PIK3CD: variants seen among roughly 807,000 people sequenced by gnomAD.
PIK3CD encodes the protein phosphatidylinositol-4,5-bisphosphate 3-kinase catalytic subunit delta.
Under a neutral mutation model 122.9 loss-of-function variants are expected in PIK3CD, and 20 were observed. That is an observed-to-expected ratio of 0.16 (90% CI 0.11 to 0.24). The LOEUF (loss-of-function observed/expected upper bound fraction) is 0.24, where lower values mean the gene tolerates loss of function less well. PIK3CD is among the 10% of genes least tolerant of loss of function. The pLI is 1.00. For missense variants in PIK3CD, 787 were observed against 1,406.3 expected, an observed-to-expected ratio of 0.56 and a Z score of 7.04; for synonymous variants, 596 against 593.4, an observed-to-expected ratio of 1.00 and a Z score of -0.06.
intron 1 of PIK3CD, among the ~76,000 whole-genome samples, chr1:9,690,986 C>T (rs1309805755): frequency 6.6e-6 from 1 of 152,080 alleles, no homozygotes; most frequent in Non-Finnish European, 1.5e-5. Flanking sequence ...CGGCCCCTCC[C>T]CTCACACTCT....
upstream of PIK3CD, among the ~76,000 whole-genome samples, chr1:9,650,461 A>G (rs1424174247): frequency 6.6e-6 from 1 of 151,812 alleles, no homozygotes; most frequent in Non-Finnish European, 1.5e-5. Context: ...AAAACAAACA[A>G]AAAAACATGA....
At chr1:9,651,830 G>C (rs537646112) in intron 1 of PIK3CD, 28 bp downstream of exon 1, 90 of 152,234 alleles carry the variant, frequency 5.9e-4, no homozygotes, top group African/African-American at 2.1e-3. Context: ...GCTGCGTCAG[G>C]GGAGGTGGGA....
At chr1:9,662,494 T>G (rs1270237614) in intron 1 of PIK3CD, 4 of 153,184 alleles carry the variant, frequency 2.6e-5, no homozygotes, top group Non-Finnish European at 5.8e-5. Context: ...TCACACAACC[T>G]GAACTTAGGC....
chr1:9,716,345 AC>A lies in PIK3CD; in HGVS notation c.601-92del, dbSNP rs1436138644. On this transcript the variant is annotated intron_variant, in intron 5 of 23. Transcript: ENST00000377346. ...CCAGTGTCATTTGTGAACTCCCCAG[AC>A]CCTACCCTTGGGGGCAAATAGGCAA... 2.5e-6 allele frequency: 3 copies of A among 1,209,232 alleles called. No homozygotes were observed. The Admixed American group carries it at 5.1e-5, about 21-fold the overall frequency. 74.9% of individuals were successfully genotyped at this position (1,209,232 alleles called of 1,614,324 possible). A position where few individuals can be genotyped will look rare whatever the true frequency, so the allele number is the denominator to read the frequency against.
intron 1 of PIK3CD, among the ~76,000 whole-genome samples, chr1:9,664,001 T>C (rs1248592273): frequency 6.6e-6 from 1 of 152,014 alleles, no homozygotes. Flanking sequence ...GAGGTCCGAC[T>C]TCAATGCACC....
At position 9,700,297 on chromosome 1, in the gene PIK3CD, G is replaced by A. The variant is rs1487555371; in HGVS notation, c.-33+8726G>A. The stretch of plus-strand genomic sequence containing the variant: ...TCCCTCAGACGTTCACAGCTGGGAC[G>A]CCGTTCTTCCACCTTGGGCTCCAGA... On this transcript the variant is annotated intron_variant, in intron 2 of 23. Transcript: ENST00000377346. This position sits in a 1 kb window ranked among gnomAD's most constrained non-coding sequence, Gnocchi z 5.1. Among the ~76,000 whole-genome samples, 1 of 151,882 alleles carries A rather than the reference G, an allele frequency of 6.6e-6. No individual in the cohort carries two copies. The highest frequency in any genetic ancestry group is 1.5e-5 in the Non-Finnish European group (1 of 68,000).
chr1:9,645,683 T>C, the PIK3CD span, among the ~76,000 whole-genome samples: 2 of 150,886 alleles, frequency 1.3e-5, no homozygotes, highest in Admixed American at 1.3e-4. Flanking sequence ...CTTGGCTCAC[T>C]GCACCTCTAC....
At chr1:9,702,499 C>CTTT (rs1491337578) in intron 2 of PIK3CD, among the ~76,000 whole-genome samples, 3 of 21,710 alleles carry the variant, frequency 1.4e-4, no homozygotes, top group African/African-American at 2.9e-4. Context: ...AAAGAACTTT[C>CTTT]CTTTTTTTTT....
chr1:9,723,415 C>T lies in PIK3CD; in HGVS notation c.2594+123C>T. The T allele has an allele frequency of 1.0e-6, 1 of 985,492 alleles. No individual in the cohort carries two copies. The highest frequency in any genetic ancestry group is 1.3e-5 in the South Asian group (1 of 75,770). The allele number at this position is 985,492 out of a possible 1,614,324, so 61.0% of individuals were successfully genotyped here. A position where few individuals can be genotyped will look rare whatever the true frequency, so the allele number is the denominator to read the frequency against. ...AGACCATCTTTGTGGCTACTTGGCT[C>T]AGTTGAGGACCAGCCTGTGTCTGGG... On this transcript the variant is annotated intron_variant, in intron 20 of 23. Transcript: ENST00000377346. This position sits in a 1 kb window ranked among gnomAD's most constrained non-coding sequence, Gnocchi z 4.9.
chr1:9,635,939 A>T, the PIK3CD span, among the ~76,000 whole-genome samples: 3 of 152,250 alleles, frequency 2.0e-5, no homozygotes, highest in Non-Finnish European at 4.4e-5. Context: ...ACACTTGCCC[A>T]TCCAAGGTCC....
chr1:9,690,621 G>A (rs1646165192), intron 1 of PIK3CD, among the ~76,000 whole-genome samples: 1 of 152,214 alleles, frequency 6.6e-6, no homozygotes, highest in South Asian at 2.1e-4. Context: ...TCCCGCAGCA[G>A]GGTCCCCGGA....
Position 9,721,861 on chromosome 1 carries a change from G to A in PIK3CD, c.2055+1G>A, listed in dbSNP as rs751009074. The A allele has an allele frequency of 6.2e-7, 1 of 1,613,064 alleles. No individual in the cohort carries two copies. The highest frequency in any genetic ancestry group is 8.5e-7 in the Non-Finnish European group (1 of 1,179,934). On this transcript the variant is annotated splice_donor_variant, in intron 16 of 23. Transcript: ENST00000377346. LOFTEE classifies it high-confidence loss of function. Reference sequence around the variant, plus strand: ...CCACATGAAGGTGCTGATGAAGCAGGTGAGGCCCAAGGCCCTGGGGGGCGG... The same window carrying A: ...CCACATGAAGGTGCTGATGAAGCAGATGAGGCCCAAGGCCCTGGGGGGCGG...
chr1:9,632,861 CTTTT>C, the PIK3CD span, among the ~76,000 whole-genome samples: 29 of 128,594 alleles, frequency 2.3e-4, no homozygotes, highest in Admixed American at 3.2e-4. Flanking sequence ...CAACCTGATT[CTTTT>C]TTTTTTTTTT....
At position 9,724,121 on chromosome 1, in the gene PIK3CD, T is replaced by C. The variant is rs1360121154; in HGVS notation, c.2718+29T>C. Reference sequence around the variant, plus strand: ...CAGGGGCTGGTGCTGGCGGCTGCTGTGGGGACTTGGCTTCTGGCCCCAGCC... The same window carrying C: ...CAGGGGCTGGTGCTGGCGGCTGCTGCGGGGACTTGGCTTCTGGCCCCAGCC... On this transcript the variant is annotated intron_variant, in intron 21 of 23. Coordinates refer to ENST00000377346, the MANE Select transcript of PIK3CD (RefSeq NM_005026.5). The surrounding 1 kb of genome is among the most constrained non-coding windows in gnomAD (Gnocchi z 7.3). 4 of 1,614,020 alleles carry C rather than the reference T, an allele frequency of 2.5e-6. No homozygotes were observed. The African/African-American group carries it at 4.0e-5, about 16-fold the overall frequency.
At chr1:9,659,574 GTC>G (rs1644954446) in intron 1 of PIK3CD, among the ~76,000 whole-genome samples, 1 of 152,052 alleles carries the variant, frequency 6.6e-6, no homozygotes, top group African/African-American at 2.4e-5. Context: ...CCATTCTGCT[GTC>G]TCTGTGCTTT....
rs2100933627 is a variant in PIK3CD at position 9,719,912 on chromosome 1, C to T, written c.1243-9C>T. 1.2e-6 allele frequency: 2 copies of T among 1,612,444 alleles called. No homozygotes were observed. The highest frequency in any genetic ancestry group is 1.3e-5 in the African/African-American group (1 of 75,012). On this transcript the variant is annotated splice_polypyrimidine_tract_variant and intron_variant, in intron 9 of 23. Coordinates refer to ENST00000377346, the MANE Select transcript of PIK3CD (RefSeq NM_005026.5). This position sits in a 1 kb window ranked among gnomAD's most constrained non-coding sequence, Gnocchi z 5.5. ...AGTGGCTGTCCTCACCTGCCCTGTC[C>T]TTCTGCAGGACTGCCCCATTGCCTG...
rs867642595 is a variant in PIK3CD, at chr1:9,670,010, C to A, written c.-138+18208C>A. Among the ~76,000 whole-genome samples, 25 of 152,090 alleles carry A rather than the reference C, an allele frequency of 1.6e-4. No individual in the cohort carries two copies. The South Asian group carries it at 2.9e-3, about 18-fold the overall frequency. On this transcript the variant is annotated intron_variant, in intron 1 of 23. Transcript: ENST00000377346. Reference sequence around the variant, plus strand: ...CCAACATGGTGAAACCCTGTCTCTACTAAAAATACAAAAATTAGCTGGGCG... The same window carrying A: ...CCAACATGGTGAAACCCTGTCTCTAATAAAAATACAAAAATTAGCTGGGCG...
In PIK3CD at chr1:9,721,571, C is replaced by G. The variant is rs767226031; in HGVS notation, c.1939C>G (p.Leu647Val). 6.2e-6 allele frequency: 10 copies of G among 1,613,488 alleles called. No individual in the cohort carries two copies. Among genetic ancestry groups the G allele is most frequent in the Non-Finnish European group, 5.1e-6 (6 of 1,180,024 alleles). The change falls in exon 15 of 24, where the codon CTT becomes GTT. Residue 647 changes from leucine (L) to valine (V), a missense_variant. By Grantham distance (32) the Leu-to-Val change is conservative (BLOSUM62 1). Coordinates refer to ENST00000377346, the MANE Select transcript of PIK3CD (RefSeq NM_005026.5). The stretch of plus-strand genomic sequence containing the variant: ...GGCCAACCGCAAGATCGGCCACTTC[C>G]TTTTCTGGCACCTCCGGTAGCGGGA... ...ALANRKIGHF[L>V]FWHLRSEMHV...
rs1648376658 is a variant in PIK3CD at position 9,720,525 on chromosome 1, T to C, written c.1471-86T>C. ...GCAGAGGACAGCGCCCCCTCAAGGA[T>C]GATTGGGGTGGCAATGCCCGGCCTG... is the stretch of plus-strand genomic sequence containing the variant. On this transcript the variant is annotated intron_variant, in intron 11 of 23. Transcript: ENST00000377346. This position sits in a 1 kb window ranked among gnomAD's most constrained non-coding sequence, Gnocchi z 9.0. The C allele has an allele frequency of 1.3e-6, 2 of 1,543,578 alleles. No homozygotes were observed. The highest frequency in any genetic ancestry group is 1.8e-6 in the Non-Finnish European group (2 of 1,142,368).
Sources: gnomAD v4.1 joint callset for allele counts (sites outside exome capture counted in the v4.1 genomes callset) on GRCh38, gnomAD v4.1.1 for gene constraint, Gnocchi (gnomAD v3.1) non-coding constraint, MANE v1.5 for transcripts, NCBI Gene and HGNC (gene_info 2026-07-23, HGNC 2026-07-21) for gene names.